The following CENPB variants were observed in gnomAD, a reference collection of about 807,000 sequenced individuals.
CENPB encodes the protein major centromere autoantigen B.
CENPB carries 19 observed loss-of-function variants against 41.9 expected under a neutral mutation model. That is an observed-to-expected ratio of 0.45 (90% confidence interval 0.32 to 0.67). The LOEUF is 0.67. Ranked by LOEUF, CENPB falls within the 30% of genes least tolerant of loss-of-function variation. The pLI, the probability that CENPB is intolerant of heterozygous loss-of-function variation, is 0.04. For synonymous variants in CENPB, 399 were observed against 354.4 expected, an observed-to-expected ratio of 1.13 and a Z score of -1.41; for missense variants, 614 against 816.2, an observed-to-expected ratio of 0.75 and a Z score of 3.02.
chr20:3,785,212 T>C lies in CENPB; in HGVS notation c.1272A>G (p.Glu424=), dbSNP rs138187623. ...CCTCCTCCTCCCCTTCCTCCTCCTC[T>C]TCCTCTCCTTCACCCTCTTCCTCCT... ...EEEEEEGEGE[E]EEEEGEEEEE... is the part of the protein sequence containing the mutation. Residue 424 remains glutamate, a synonymous_variant, in exon 1 of 1, where the codon GAA becomes GAG. Coordinates refer to ENST00000379751, the MANE Select transcript of CENPB (RefSeq NM_001810.6). The C allele has an allele frequency of 6.3e-4, 705 of 1,120,504 alleles. 1 individual carries two copies. The highest frequency in any genetic ancestry group is 4.1e-3 in the Middle Eastern group (17 of 4,182). 69.4% of individuals were successfully genotyped at this position (1,120,504 alleles called of 1,614,324 possible). A position where few individuals can be genotyped will look rare whatever the true frequency, so the allele number is the denominator to read the frequency against.
At position 3,786,557 on chromosome 20, in the gene CENPB, G is replaced by A; in HGVS notation, c.-74C>T. On this transcript the variant is annotated 5_prime_UTR_variant, in exon 1 of 1. Transcript: ENST00000379751. ...GGGCGGGGGGCCCGGGCCCGTGGCGGGGGGCACCTGGCGGCCTCTCCCGCG... is the reference window on the plus strand; with the variant it reads ...GGGCGGGGGGCCCGGGCCCGTGGCGAGGGGCACCTGGCGGCCTCTCCCGCG... 4.9e-6 allele frequency: 2 copies of A among 411,340 alleles called. No individual in the cohort carries two copies. The highest frequency in any genetic ancestry group is 6.5e-6 in the Non-Finnish European group (2 of 309,760). 25.5% of individuals were successfully genotyped at this position (411,340 alleles called of 1,614,324 possible). A position where few individuals can be genotyped will look rare whatever the true frequency, so the allele number is the denominator to read the frequency against.
chr20:3,786,465 G>T lies in CENPB; in HGVS notation c.19C>A (p.Gln7Lys). The T allele has an allele frequency of 6.4e-7, 1 of 1,551,976 alleles. No homozygotes were observed. Among genetic ancestry groups the T allele is most frequent in the East Asian group, 2.5e-5 (1 of 39,466 alleles). ...CGTGACTTCTCCCGGAACGTCAGCT[G>T]TCGCCTCTTGGGGCCCATCCCGGCG... MGPKRR[Q>K]LTFREKSRII... The change falls in exon 1 of 1, where the codon CAG becomes AAG. Residue 7 changes from glutamine (Q) to lysine (K), a missense_variant. Physicochemically the swap from Gln to Lys is moderately conservative, Grantham distance 53. This residue lies in a region of CENPB where 77 missense variants were observed against 186.8 expected (regional missense o/e 0.41). Transcript: ENST00000379751.
chr20:3,784,895 T>TC lies in CENPB; in HGVS notation c.1588dup (p.Asp530GlyfsTer2). On this transcript the variant is annotated frameshift_variant, in exon 1 of 1. Coordinates refer to ENST00000379751, the MANE Select transcript of CENPB (RefSeq NM_001810.6). LOFTEE classifies it high-confidence loss of function. This position sits in a 1 kb window ranked among gnomAD's most constrained non-coding sequence, Gnocchi z 5.2. ...CTCATCACCATCCTCCTCATCATCATCGTCGTCTTCATCTTCATCATCCTC... is the reference window on the plus strand; with the variant it reads ...CTCATCACCATCCTCCTCATCATCATCCGTCGTCTTCATCTTCATCATCCTC... 1 of 1,613,526 alleles carries TC rather than the reference T, an allele frequency of 6.2e-7. No individual in the cohort carries two copies. Among genetic ancestry groups the TC allele is most frequent in the East Asian group, 2.2e-5 (1 of 44,830 alleles).
Position 3,784,466 on chromosome 20 carries a change from A to C in CENPB, c.*218T>G. 1.8e-6 allele frequency: 1 copy of C among 569,618 alleles called. No homozygotes were observed. 35.3% of individuals were successfully genotyped at this position (569,618 alleles called of 1,614,324 possible). A position where few individuals can be genotyped will look rare whatever the true frequency, so the allele number is the denominator to read the frequency against. ...CTGAGCCCAGGGCCAAATGGGGAGG[A>C]AAGAGGATTCTGAGAAAGAGGCAAT... On this transcript the variant is annotated 3_prime_UTR_variant, in exon 1 of 1. Coordinates refer to ENST00000379751, the MANE Select transcript of CENPB (RefSeq NM_001810.6). The surrounding 1 kb of genome is among the most constrained non-coding windows in gnomAD (Gnocchi z 5.2).
rs1294517032 is a variant in CENPB at position 3,784,088 on chromosome 20, C to T, written c.*596G>A. ...GGAAACCTCCAATCTGGAAAGAAAA[C>T]CAAGGGCCAAAGTCACATGGACAGG... On this transcript the variant is annotated 3_prime_UTR_variant, in exon 1 of 1. Transcript: ENST00000379751. The surrounding 1 kb of genome is among the most constrained non-coding windows in gnomAD (Gnocchi z 5.2). 6.5e-6 allele frequency: 1 copy of T among 153,518 alleles called. No homozygotes were observed. Among genetic ancestry groups the T allele is most frequent in the African/African-American group, 2.4e-5 (1 of 41,418 alleles). The allele number at this position is 153,518 out of a possible 1,614,324, so 9.5% of individuals were successfully genotyped here.
Position 3,784,552 on chromosome 20 carries a change from G to A in CENPB, c.*132C>T, listed in dbSNP as rs2088800641. ...GGCCGAGGTGACCGGGCCTGTTGCA[G>A]GACCAGGGGAAGCATTACTAAAGGA... On this transcript the variant is annotated 3_prime_UTR_variant, in exon 1 of 1. Coordinates refer to ENST00000379751, the MANE Select transcript of CENPB (RefSeq NM_001810.6). This position sits in a 1 kb window ranked among gnomAD's most constrained non-coding sequence, Gnocchi z 5.2. 1 of 1,105,918 alleles carries A rather than the reference G, an allele frequency of 9.0e-7. No homozygotes were observed. The highest frequency in any genetic ancestry group is 1.3e-6 in the Non-Finnish European group (1 of 769,308). 68.5% of individuals were successfully genotyped at this position (1,105,918 alleles called of 1,614,324 possible). A position where few individuals can be genotyped will look rare whatever the true frequency, so the allele number is the denominator to read the frequency against.
Position 3,784,929 on chromosome 20 carries a change from C to A in CENPB, c.1555G>T (p.Asp519Tyr), listed in dbSNP as rs1167453032. 1.2e-6 allele frequency: 2 copies of A among 1,613,722 alleles called. No individual in the cohort carries two copies. Among genetic ancestry groups the A allele is most frequent in the South Asian group, 1.1e-5 (1 of 91,078 alleles). The stretch of plus-strand genomic sequence containing the variant: ...TCATCTTCATCATCCTCTTCCTCAT[C>A]GTCCTCTTCCTCACTGTCTGAATCA... ...DSDSDSEEED[D>Y]EEEDDEDEDD... is the part of the protein sequence containing the mutation. Residue 519 changes from aspartate to tyrosine, a missense_variant, in exon 1 of 1, where the codon GAT (aspartate) becomes TAT (tyrosine). Physicochemically the swap from Asp to Tyr is radical, Grantham distance 160. Transcript: ENST00000379751. This position sits in a 1 kb window ranked among gnomAD's most constrained non-coding sequence, Gnocchi z 5.2.
In CENPB at chr20:3,784,707, G is replaced by A. The variant is rs754812338; in HGVS notation, c.1777C>T (p.Arg593Ter). ...RKNHARQAGV[R>*]GLGHQS ...ACTCAGCTTTGATGTCCAAGACCTC[G>A]AACTCCCGCCTGCCTGGCGTGGTTC... Residue 593 changes from arginine (R) to a stop codon, truncating the protein, a stop_gained, in exon 1 of 1, where the codon CGA (arginine) becomes TGA (stop). Transcript: ENST00000379751. LOFTEE classifies it high-confidence loss of function. This position sits in a 1 kb window ranked among gnomAD's most constrained non-coding sequence, Gnocchi z 5.2. 7 of 1,613,950 alleles carry A rather than the reference G, an allele frequency of 4.3e-6. No individual in the cohort carries two copies. Among genetic ancestry groups the A allele is most frequent in the South Asian group, 1.1e-5 (1 of 91,044 alleles).
chr20:3,786,593 G>A lies in CENPB; in HGVS notation c.-110C>T, dbSNP rs2088828096. On this transcript the variant is annotated 5_prime_UTR_variant, in exon 1 of 1. Transcript: ENST00000379751. ...GCGGCCTCTCCCGCGCGCCCCGCCC[G>A]AGACAAAGCGGCTCGCGGGCGCGGC... 1.3e-5 allele frequency: 3 copies of A among 222,656 alleles called. No individual in the cohort carries two copies. Among genetic ancestry groups the A allele is most frequent in the South Asian group, 1.6e-4 (1 of 6,254 alleles). 13.8% of individuals were successfully genotyped at this position (222,656 alleles called of 1,614,324 possible).
At position 3,786,202 on chromosome 20, in the gene CENPB, C is replaced by A; in HGVS notation, c.282G>T (p.Pro94=). Residue 94 remains proline, a synonymous_variant, in exon 1 of 1, where the codon CCG becomes CCT. Coordinates refer to ENST00000379751, the MANE Select transcript of CENPB (RefSeq NM_001810.6). ...WFQQIRAAGL[P]VKGIILKEKA... Reference sequence around the variant, plus strand: ...TCTCCTTGAGGATGATGCCCTTGACCGGCAGGCCGGCGGCGCGGATCTGCT... The same window carrying A: ...TCTCCTTGAGGATGATGCCCTTGACAGGCAGGCCGGCGGCGCGGATCTGCT... 1.5e-5 allele frequency: 24 copies of A among 1,601,368 alleles called. No homozygotes were observed. The highest frequency in any genetic ancestry group is 2.0e-5 in the Non-Finnish European group (23 of 1,179,422).
rs2088830245 is a variant in CENPB at position 3,786,734 on chromosome 20, A to C, written c.-251T>G. 6.8e-6 allele frequency: 1 copy of C among 146,962 alleles called. No individual in the cohort carries two copies. The highest frequency in any genetic ancestry group is 2.5e-5 in the African/African-American group (1 of 40,412). 9.1% of individuals were successfully genotyped at this position (146,962 alleles called of 1,614,324 possible). A position where few individuals can be genotyped will look rare whatever the true frequency, so the allele number is the denominator to read the frequency against. On this transcript the variant is annotated 5_prime_UTR_variant, in exon 1 of 1. Coordinates refer to ENST00000379751, the MANE Select transcript of CENPB (RefSeq NM_001810.6). ...ACGAGGGCGGGCGGCGCGGGCGCGG[A>C]AGGCAGGAAGTGCCGCGGCGCGGGG...
Position 3,786,004 on chromosome 20 carries a change from C to A in CENPB, c.480G>T (p.Val160=). ...TPAAPASPAA[V]PSEGSGGSTT... ...TGCTCCCGCCACTGCCCTCCGAGGG[C>A]ACCGCGGCCGGACTGGCAGGCGCCG... Residue 160 remains valine, a synonymous_variant, in exon 1 of 1, where the codon GTG becomes GTT. Coordinates refer to ENST00000379751, the MANE Select transcript of CENPB (RefSeq NM_001810.6). The A allele has an allele frequency of 6.8e-7, 1 of 1,465,946 alleles. No homozygotes were observed. 90.8% of individuals were successfully genotyped at this position (1,465,946 alleles called of 1,614,324 possible). A position where few individuals can be genotyped will look rare whatever the true frequency, so the allele number is the denominator to read the frequency against.
At position 3,786,575 on chromosome 20, in the gene CENPB, C is replaced by T; in HGVS notation, c.-92G>A. 3.7e-6 allele frequency: 1 copy of T among 269,352 alleles called. No homozygotes were observed. The highest frequency in any genetic ancestry group is 5.6e-6 in the Non-Finnish European group (1 of 179,898). 16.7% of individuals were successfully genotyped at this position (269,352 alleles called of 1,614,324 possible). A position where few individuals can be genotyped will look rare whatever the true frequency, so the allele number is the denominator to read the frequency against. On this transcript the variant is annotated 5_prime_UTR_variant, in exon 1 of 1. Transcript: ENST00000379751. ...CGTGGCGGGGGGCACCTGGCGGCCT[C>T]TCCCGCGCGCCCCGCCCGAGACAAA...
At position 3,786,451 on chromosome 20, in the gene CENPB, C is replaced by T; in HGVS notation, c.33G>A (p.Arg11=). The T allele has an allele frequency of 1.3e-6, 2 of 1,568,434 alleles. No individual in the cohort carries two copies. The highest frequency in any genetic ancestry group is 8.6e-7 in the Non-Finnish European group (1 of 1,163,322). The change falls in exon 1 of 1, where the codon CGG becomes CGA. Residue 11 remains arginine, a synonymous_variant. Coordinates refer to ENST00000379751, the MANE Select transcript of CENPB (RefSeq NM_001810.6). MGPKRRQLTF[R]EKSRIIQEVE... is the part of the protein sequence containing the mutation. ...CCTCCTGGATGATCCGTGACTTCTC[C>T]CGGAACGTCAGCTGTCGCCTCTTGG... is the stretch of plus-strand genomic sequence containing the variant.
rs2088821178 is a variant in CENPB at position 3,786,053 on chromosome 20, C to T, written c.431G>A (p.Arg144Gln). Residue 144 changes from arginine (R) to glutamine (Q), a missense_variant, in exon 1 of 1, where the codon CGA becomes CAA. Arg to Gln is a conservative substitution (Grantham distance 43). This residue lies in a region of CENPB where 537 missense variants were observed against 629.4 expected (regional missense o/e 0.85). Transcript: ENST00000379751. ...SCSGVARARA[R>Q]NAAPRTPAAP... ...CGCCGGGGTGCGGGGGGCAGCGTTT[C>T]GCGCGCGGGCGCGGGCCACGCCGCT... 6.7e-7 allele frequency: 1 copy of T among 1,500,792 alleles called. No individual in the cohort carries two copies. The highest frequency in any genetic ancestry group is 1.5e-5 in the African/African-American group (1 of 68,628). 93.0% of individuals were successfully genotyped at this position (1,500,792 alleles called of 1,614,324 possible).
chr20:3,785,959 C>T lies in CENPB; in HGVS notation c.525G>A (p.Arg175=). 2.5e-6 allele frequency: 4 copies of T among 1,575,514 alleles called. No individual in the cohort carries two copies. In the South Asian group the frequency reaches 4.5e-5, roughly 18 times the overall value. ...SGGSTTGWRA[R]EEQPPSVAEG... ...CGGCCACCGACGGCGGCTGCTCCTC[C>T]CGAGCGCGCCAACCAGTAGTGCTCC... is the stretch of plus-strand genomic sequence containing the variant. Residue 175 remains arginine (R), a synonymous_variant, in exon 1 of 1, where the codon CGG becomes CGA. Coordinates refer to ENST00000379751, the MANE Select transcript of CENPB (RefSeq NM_001810.6).
rs1210154542 is a variant in CENPB at position 3,784,358 on chromosome 20, A to G, written c.*326T>C. ...CTCCGGCCGGGAACCTCCAGGGCCC[A>G]TCCCTGGCTGCTGCTGTGGTTAGTC... On this transcript the variant is annotated 3_prime_UTR_variant, in exon 1 of 1. Transcript: ENST00000379751. The surrounding 1 kb of genome is among the most constrained non-coding windows in gnomAD (Gnocchi z 5.2). 1.3e-5 allele frequency: 4 copies of G among 315,664 alleles called. No individual in the cohort carries two copies. The highest frequency in any genetic ancestry group is 2.2e-5 in the African/African-American group (1 of 45,592). 19.6% of individuals were successfully genotyped at this position (315,664 alleles called of 1,614,324 possible). A position where few individuals can be genotyped will look rare whatever the true frequency, so the allele number is the denominator to read the frequency against.
Position 3,784,963 on chromosome 20 carries a change from C to T in CENPB, c.1521G>A (p.Gly507=). The T allele has an allele frequency of 6.2e-7, 1 of 1,614,028 alleles. No homozygotes were observed. Among genetic ancestry groups the T allele is most frequent in the Non-Finnish European group, 8.5e-7 (1 of 1,179,996 alleles). ...QCPTLHFLEG[G]EDSDSDSEEE... ...CCTCACTGTCTGAATCAGAGTCCTC[C>T]CCACCTTCCAGGAAATGCAGAGTAG... The change falls in exon 1 of 1, where the codon GGG becomes GGA. Residue 507 remains glycine, a synonymous_variant. Transcript: ENST00000379751. This position sits in a 1 kb window ranked among gnomAD's most constrained non-coding sequence, Gnocchi z 5.2.
Position 3,785,325 on chromosome 20 carries a change from C to A in CENPB, c.1159G>T (p.Ala387Ser). ...GCATTAGGGCCACCCCCAAAGCCAG[C>A]CTCACGAAAGCAGGCGGCTATGTCC... Reference protein sequence around the residue: ...PSDIAACFREAGFGGGPNATI... With the variant: ...PSDIAACFRESGFGGGPNATI... The change falls in exon 1 of 1, where the codon GCT becomes TCT. Residue 387 changes from alanine (A) to serine (S), a missense_variant. By Grantham distance (99) the Ala-to-Ser change is moderately conservative. This residue lies in a region of CENPB where 537 missense variants were observed against 629.4 expected (regional missense o/e 0.85). Coordinates refer to ENST00000379751, the MANE Select transcript of CENPB (RefSeq NM_001810.6). The A allele has an allele frequency of 6.2e-7, 1 of 1,601,720 alleles. No individual in the cohort carries two copies. The highest frequency in any genetic ancestry group is 1.1e-5 in the South Asian group (1 of 89,406).
Sources: gnomAD v4.1 joint callset for allele counts on GRCh38, gnomAD v4.1.1 for gene constraint, gnomAD v4.1.1 regional missense constraint, Gnocchi (gnomAD v3.1) non-coding constraint, MANE v1.5 for transcripts, NCBI Gene and HGNC (gene_info 2026-07-23, HGNC 2026-07-21) for gene names.